LRGUK: variants seen among roughly 807,000 people sequenced by gnomAD.
The protein encoded by LRGUK is leucine-rich repeat and guanylate kinase domain-containing protein.
In LRGUK, 65 loss-of-function variants were observed where a neutral mutation model predicts 76.0. The observed-to-expected ratio is 0.85, with a 90% CI of 0.70 to 1.05. The LOEUF (loss-of-function observed/expected upper bound fraction) is 1.05. LRGUK is among the 50% of genes least tolerant of loss of function. LRGUK has a pLI of 0.00. For synonymous variants in LRGUK, 268 were observed against 265.6 expected (o/e 1.01, Z -0.09); for missense variants, 758 against 732.8 (o/e 1.03, Z -0.40).
chr7:134,175,983 T>C (rs1799462114), intron 8 of LRGUK, among the ~76,000 whole-genome samples: 1 of 152,190 alleles, frequency 6.6e-6, no homozygotes, highest in South Asian at 2.1e-4. Flanking sequence ...ATTTGCAGAA[T>C]TGAGACTTGT....
chr7:134,246,195 T>C (rs1264692493), intron 16 of LRGUK, among the ~76,000 whole-genome samples: 1 of 152,192 alleles, frequency 6.6e-6, no homozygotes, highest in African/African-American at 2.4e-5. Flanking sequence ...TAAAAAATGG[T>C]AAACATTATT....
chr7:134,206,326 C>T (rs1023408673), intron 15 of LRGUK, among the ~76,000 whole-genome samples: 5 of 152,072 alleles, frequency 3.3e-5, no homozygotes, highest in Non-Finnish European at 5.9e-5. Flanking sequence ...ACCATCCTGG[C>T]CAACATGGAG....
chr7:134,169,560 C>A (rs1162237415), intron 7 of LRGUK, among the ~76,000 whole-genome samples: 1 of 152,080 alleles, frequency 6.6e-6, no homozygotes, highest in African/African-American at 2.4e-5. Context: ...GAAGAAATTT[C>A]TCTATACCCT....
downstream of LRGUK, among the ~76,000 whole-genome samples, chr7:134,268,949 T>C (rs1802911561): frequency 2.0e-5 from 3 of 151,948 alleles, no homozygotes; most frequent in South Asian, 6.3e-4. Context: ...GCCAGGATAG[T>C]CTCCATCTCT....
At chr7:134,171,058 G>A (rs767308211) in intron 7 of LRGUK, among the ~76,000 whole-genome samples, 134 of 151,750 alleles carry the variant, frequency 8.8e-4, no homozygotes, top group Admixed American at 2.1e-3. Flanking sequence ...AAAACTATTT[G>A]TCTTTAGTTT....
chr7:134,211,157 TC>T (rs1801251040), downstream of LRGUK, among the ~76,000 whole-genome samples: 1 of 152,236 alleles, frequency 6.6e-6, no homozygotes, highest in South Asian at 2.1e-4. Flanking sequence ...CAATCTGCAC[TC>T]CTGTGCCTCT....
chr7:134,259,492 C>T (rs1002981924), intron 19 of LRGUK, among the ~76,000 whole-genome samples: 19 of 152,160 alleles, frequency 1.2e-4, no homozygotes, highest in Middle Eastern at 3.4e-3. Flanking sequence ...CTCAGGTGAC[C>T]GGAGGAACTA....
At chr7:134,138,488 CAA>C (rs2116828535) in intron 2 of LRGUK, among the ~76,000 whole-genome samples, 1 of 152,042 alleles carries the variant, frequency 6.6e-6, no homozygotes, top group African/African-American at 2.4e-5. Flanking sequence ...TCTCTCCTAC[CAA>C]AGTCATAAGT....
At chr7:134,260,992 C>T (rs1020368258) in intron 19 of LRGUK, among the ~76,000 whole-genome samples, 4 of 152,184 alleles carry the variant, frequency 2.6e-5, no homozygotes, top group African/African-American at 7.2e-5. Flanking sequence ...GTGAAAGCAC[C>T]ATGAGATTTC....
At chr7:134,261,956 A>G (rs1201499160) in intron 19 of LRGUK, among the ~76,000 whole-genome samples, 1 of 152,222 alleles carries the variant, frequency 6.6e-6, no homozygotes, top group Admixed American at 6.5e-5. Context: ...CTGCCTAAAT[A>G]AAAGGGAAAT....
intron 1 of LRGUK, among the ~76,000 whole-genome samples, chr7:134,133,860 G>A (rs1797413616): frequency 6.6e-6 from 1 of 152,066 alleles, no homozygotes; most frequent in Non-Finnish European, 1.5e-5. Context: ...AGGAGTTTGA[G>A]ATCAGCCTGG....
At chr7:134,145,819 A>C (rs1446678863) in intron 4 of LRGUK, among the ~76,000 whole-genome samples, 1 of 152,158 alleles carries the variant, frequency 6.6e-6, no homozygotes, top group Non-Finnish European at 1.5e-5. Flanking sequence ...GAGAACATGC[A>C]TTTCCTAGAG....
intron 7 of LRGUK, among the ~76,000 whole-genome samples, chr7:134,165,894 C>T (rs1048959145): frequency 3.9e-5 from 6 of 152,062 alleles, no homozygotes; most frequent in Admixed American, 1.3e-4. Context: ...AGTATCATCA[C>T]GTGAAGAAAG....
rs571256059 is a variant in LRGUK at position 134,235,339 on chromosome 7, G to C, written c.1984-12217G>C. On this transcript the variant is annotated intron_variant, in intron 16 of 19. Transcript: ENST00000285928. ...AACCCACCAGCACTCCTGCCTTAGA[G>C]CCATTGCACTAACTGTTTCTTCTTT... Among the ~76,000 whole-genome samples the C allele has an allele frequency of 2.6e-4, 40 of 152,184 alleles. 1 individual carries two copies. The South Asian group carries it at 8.3e-3, about 32-fold the overall frequency.
At chr7:134,151,335 T>C (rs1563146704) in intron 5 of LRGUK, among the ~76,000 whole-genome samples, 1 of 152,030 alleles carries the variant, frequency 6.6e-6, no homozygotes, top group Non-Finnish European at 1.5e-5. Context: ...TAGAAAAATA[T>C]TACACATCAG....
At chr7:134,222,528 G>A (rs1801626233) in intron 16 of LRGUK, among the ~76,000 whole-genome samples, 1 of 152,164 alleles carries the variant, frequency 6.6e-6, no homozygotes, top group Non-Finnish European at 1.5e-5. Flanking sequence ...TGCTGCAGAA[G>A]CAACAGAACT....
chr7:134,183,594 G>T (rs1407630495), intron 10 of LRGUK, 140 bp from the exon 11 acceptor site: 11 of 759,782 alleles, frequency 1.4e-5, no homozygotes, highest in Non-Finnish European at 2.0e-5. Context: ...ATCTGTTTCT[G>T]GAAAGGACAA....
exon 16 of LRGUK, chr7:134,210,178 A>G (rs1585561193): frequency 5.0e-6 from 2 of 399,100 alleles, no homozygotes; most frequent in East Asian, 3.6e-5. Context: ...TGCAGCTAGA[A>G]CCCCACGATC....
At chr7:134,248,585 T>C (rs565195034) in intron 17 of LRGUK, among the ~76,000 whole-genome samples, 4 of 152,360 alleles carry the variant, frequency 2.6e-5, no homozygotes, top group African/African-American at 9.6e-5. Context: ...TTTCAAAGCA[T>C]TAGATTATAA....
Sources: gnomAD v4.1 joint callset for allele counts (sites outside exome capture counted in the v4.1 genomes callset) on GRCh38, gnomAD v4.1.1 for gene constraint, MANE v1.5 for transcripts, NCBI Gene and HGNC (gene_info 2026-07-23, HGNC 2026-07-21) for gene names.